Variants in EYS observed in about 807,000 individuals in gnomAD.
EYS encodes the protein EGF-like photoreceptor maintenance factor.
Under a neutral mutation model 282.1 loss-of-function variants are expected in EYS, and 250 were observed. That is an observed-to-expected ratio of 0.89 (90% CI 0.80 to 0.98). EYS has a LOEUF of 0.98. EYS is among the 50% of genes least tolerant of loss of function. The pLI, the probability that EYS is intolerant of heterozygous loss-of-function variation, is 0.00. For missense variants in EYS, 4,016 were observed against 3,709.0 expected (o/e 1.08, Z -2.15); for synonymous variants, 1,355 against 1,282.9 (o/e 1.06, Z -1.20).
intron 22 of EYS, among the ~76,000 whole-genome samples, chr6:64,713,934 T>C (rs1345501321): frequency 5.3e-5 from 8 of 152,224 alleles, no homozygotes; most frequent in Non-Finnish European, 1.2e-4. Flanking sequence ...AGGCATTATG[T>C]TCCAATATAT....
intron 22 of EYS, among the ~76,000 whole-genome samples, chr6:64,630,568 T>G (rs1295956774): frequency 6.6e-6 from 1 of 152,214 alleles, no homozygotes; most frequent in Non-Finnish European, 1.5e-5. Context: ...TGTGTATTTT[T>G]CTTGATCAAG....
At chr6:64,876,063 T>C (rs1766741615) in intron 19 of EYS, among the ~76,000 whole-genome samples, 1 of 152,070 alleles carries the variant, frequency 6.6e-6, no homozygotes, top group Non-Finnish European at 1.5e-5. Flanking sequence ...TAGTGAATAA[T>C]ATAAAAAGTC....
At chr6:64,916,241 A>G (rs1768158727) in intron 15 of EYS, among the ~76,000 whole-genome samples, 2 of 152,190 alleles carry the variant, frequency 1.3e-5, no homozygotes, top group African/African-American at 4.8e-5. Context: ...GGTTAATTTA[A>G]AAGAGTTTCC....
At chr6:64,636,774 G>C (rs1186712558) in intron 22 of EYS, among the ~76,000 whole-genome samples, 5 of 150,250 alleles carry the variant, frequency 3.3e-5, no homozygotes, top group Non-Finnish European at 7.4e-5. Context: ...CAAAAAGTGG[G>C]CAAAGGATAT....
At chr6:65,250,447 A>T (rs1767292046) in intron 12 of EYS, among the ~76,000 whole-genome samples, 1 of 151,898 alleles carries the variant, frequency 6.6e-6, no homozygotes, top group Non-Finnish European at 1.5e-5. Flanking sequence ...AAAACAAACC[A>T]CTGATCTTTT....
At chr6:64,788,972 T>G (rs898207020) in intron 22 of EYS, among the ~76,000 whole-genome samples, 17 of 152,168 alleles carry the variant, frequency 1.1e-4, no homozygotes, top group Admixed American at 2.0e-4. Flanking sequence ...ATAAAGTGAT[T>G]GCAATTTTCA....
chr6:64,182,581 G>A (rs931348749), intron 31 of EYS, among the ~76,000 whole-genome samples: 2 of 152,070 alleles, frequency 1.3e-5, no homozygotes, highest in Admixed American at 6.6e-5. Flanking sequence ...TAGAATGAAA[G>A]TCATTTATCA....
chr6:64,079,731 T>C lies in EYS; in HGVS notation c.6571+2125A>G, dbSNP rs561780197. ...ATGCTATCGCTCCCCGCTCCCCTGA[T>C]ACCACAACAGGCCCCTGTGTGTGAT... On this transcript the variant is annotated intron_variant, in intron 32 of 42. Coordinates refer to ENST00000503581, the MANE Select transcript of EYS (RefSeq NM_001142800.2). Among the ~76,000 whole-genome samples the C allele has an allele frequency of 6.6e-5, 10 of 152,184 alleles. No individual in the cohort carries two copies. The South Asian group carries it at 2.1e-3, about 32-fold the overall frequency.
chr6:64,849,276 T>C (rs1296341137), intron 19 of EYS, among the ~76,000 whole-genome samples: 2 of 151,726 alleles, frequency 1.3e-5, no homozygotes, highest in African/African-American at 4.8e-5. Flanking sequence ...TAATATAATT[T>C]TTAAAATCTC....
At chr6:65,419,957 T>C (rs1767392560) in intron 5 of EYS, among the ~76,000 whole-genome samples, 2 of 152,064 alleles carry the variant, frequency 1.3e-5, no homozygotes, top group African/African-American at 2.4e-5. Context: ...ACAATGTACA[T>C]GCCTTAATTT....
chr6:64,838,896 C>A (rs1018416690), intron 19 of EYS, among the ~76,000 whole-genome samples: 2 of 151,870 alleles, frequency 1.3e-5, no homozygotes, highest in Admixed American at 1.3e-4. Flanking sequence ...TAAATATGAG[C>A]CCTAAGCAAC....
At chr6:64,788,128 T>C (rs1173173281) in intron 22 of EYS, among the ~76,000 whole-genome samples, 1 of 152,188 alleles carries the variant, frequency 6.6e-6, no homozygotes, top group Non-Finnish European at 1.5e-5. Flanking sequence ...TCCCTATCTG[T>C]CTGCTCATAC....
At chr6:65,511,201 A>G (rs1766855262) in intron 2 of EYS, among the ~76,000 whole-genome samples, 1 of 152,200 alleles carries the variant, frequency 6.6e-6, no homozygotes, top group East Asian at 1.9e-4. Context: ...AAAATAGCAC[A>G]CCTGCTGCTT....
At chr6:65,235,483 T>C (rs1038162546) in intron 12 of EYS, among the ~76,000 whole-genome samples, 5 of 152,154 alleles carry the variant, frequency 3.3e-5, no homozygotes, top group Non-Finnish European at 5.9e-5. Context: ...ATTCTATAGT[T>C]ATTTCACATA....
At chr6:63,829,964 A>G (rs2149690483) in intron 36 of EYS, among the ~76,000 whole-genome samples, 1 of 152,268 alleles carries the variant, frequency 6.6e-6, no homozygotes, top group Non-Finnish European at 1.5e-5. Context: ...TCTGGAGTCG[A>G]CCTCCAGGAA....
rs937173562 is a variant in EYS at position 64,915,333 on chromosome 6, A to G, written c.2382-2590T>C. Among the ~76,000 whole-genome samples, 7 of 152,240 alleles carry G rather than the reference A, an allele frequency of 4.6e-5. No individual in the cohort carries two copies. In the East Asian group the frequency reaches 1.3e-3, roughly 29 times the overall value. ...CCACCATTAAACTTCTGGTTCCTGA[A>G]TGTCTAAGAATGATCTGAATCTCCA... On this transcript the variant is annotated intron_variant, in intron 15 of 42. Transcript: ENST00000503581.
chr6:65,173,292 C>T (rs1765148027), intron 12 of EYS, among the ~76,000 whole-genome samples: 1 of 151,300 alleles, frequency 6.6e-6, no homozygotes, highest in African/African-American at 2.4e-5. Context: ...TTATAGATCA[C>T]GTTCTGTAGA....
intron 30 of EYS, among the ~76,000 whole-genome samples, chr6:64,236,138 C>CT (rs1182217847): frequency 2.6e-5 from 4 of 152,084 alleles, no homozygotes; most frequent in African/African-American, 7.2e-5. Context: ...ATCAAGTGGG[C>CT]TTTTTTCTGT....
At chr6:65,221,373 G>A (rs1266039433) in intron 12 of EYS, among the ~76,000 whole-genome samples, 6 of 152,136 alleles carry the variant, frequency 3.9e-5, no homozygotes, top group East Asian at 1.9e-4. Context: ...GCTGCTTTGC[G>A]CAGTCTTGGG....
Sources: allele counts gnomAD v4.1 joint callset (sites outside exome capture counted in the v4.1 genomes callset), GRCh38; gene constraint gnomAD v4.1.1; transcripts MANE v1.5; gene names NCBI Gene and HGNC (gene_info 2026-07-23, HGNC 2026-07-21).